The following CCBE1 variants were observed in gnomAD, a reference collection of about 807,000 sequenced individuals.
The protein encoded by CCBE1 is collagen and calcium binding EGF domains 1.
A neutral mutation model predicts 50.0 loss-of-function variants in CCBE1; 37 were observed. The observed-to-expected ratio is 0.74, with a 90% confidence interval of 0.57 to 0.97. CCBE1 has a LOEUF of 0.97. Ranked by LOEUF, CCBE1 falls within the 50% of genes least tolerant of loss-of-function variation. The pLI is 0.00. For synonymous variants in CCBE1, 234 were observed against 203.7 expected (o/e 1.15, Z -1.27); for missense variants, 538 against 523.8 (o/e 1.03, Z -0.26).
chr18:59,660,649 G>A (rs1354353482), intron 2 of CCBE1, among the ~76,000 whole-genome samples: 1 of 152,044 alleles, frequency 6.6e-6, no homozygotes, highest in Non-Finnish European at 1.5e-5. Flanking sequence ...CCCTGATAGA[G>A]GGATTTATAG....
rs1598960344 is a variant in CCBE1 at position 59,505,317 on chromosome 18, A to G, written c.213-25079T>C. On this transcript the variant is annotated intron_variant, in intron 2 of 10. Transcript: ENST00000439986. ...AACCAAGAGATACCCCAGCAGGACC[A>G]GGGACGCCATCCTTGAGCCTGAGGC... 4.6e-5 allele frequency among the ~76,000 whole-genome samples: 7 copies of G among 152,338 alleles called. 1 individual carries two copies. Among genetic ancestry groups the G allele is most frequent in the Admixed American group, 4.6e-4 (7 of 15,306 alleles).
intron 10 of CCBE1, 29 bp from the exon 11 acceptor site, chr18:59,436,170 A>T (rs1910149542): frequency 6.2e-7 from 1 of 1,603,572 alleles, no homozygotes; most frequent in Admixed American, 1.7e-5. Context: ...TCAAAGCTAG[A>T]ATACGACAGA....
chr18:59,442,131 A>G (rs1226730128), intron 7 of CCBE1, among the ~76,000 whole-genome samples: 1 of 152,144 alleles, frequency 6.6e-6, no homozygotes, highest in Non-Finnish European at 1.5e-5. Flanking sequence ...CCTATCTCCA[A>G]AAACATTTTA....
intron 2 of CCBE1, among the ~76,000 whole-genome samples, chr18:59,528,742 T>C (rs1285239325): frequency 6.6e-6 from 1 of 152,044 alleles, no homozygotes; most frequent in Non-Finnish European, 1.5e-5. Flanking sequence ...TTGCTGGGGG[T>C]TCACTCCAGA....
chr18:59,641,353 G>A (rs1425287086), intron 2 of CCBE1, among the ~76,000 whole-genome samples: 3 of 152,108 alleles, frequency 2.0e-5, no homozygotes, highest in Non-Finnish European at 2.9e-5. Flanking sequence ...AGAAAACCAA[G>A]CATTACATGT....
intron 2 of CCBE1, among the ~76,000 whole-genome samples, chr18:59,580,116 G>A (rs544853367): frequency 1.3e-5 from 2 of 152,254 alleles, no homozygotes; most frequent in African/African-American, 2.4e-5. Flanking sequence ...CTGGGGCCCC[G>A]AATTACTAAG....
At chr18:59,556,912 G>T (rs1307907726) in intron 2 of CCBE1, among the ~76,000 whole-genome samples, 1 of 152,230 alleles carries the variant, frequency 6.6e-6, no homozygotes, top group Non-Finnish European at 1.5e-5. Context: ...CAGCTAAGCT[G>T]GAATTGTATT....
intron 9 of CCBE1, among the ~76,000 whole-genome samples, chr18:59,438,404 C>T (rs1009783891): frequency 2.0e-5 from 3 of 152,170 alleles, no homozygotes; most frequent in African/African-American, 7.2e-5. Flanking sequence ...TCATATTTCC[C>T]AACAGCATGT....
Position 59,435,893 on chromosome 18 carries a change from C to T in CCBE1, c.*15G>A, listed in dbSNP as rs780416336. On this transcript the variant is annotated 3_prime_UTR_variant, in exon 11 of 11. Coordinates refer to ENST00000439986, the MANE Select transcript of CCBE1 (RefSeq NM_133459.4). ...TGATCTTTCTCTTCCTTTGGCGTGA[C>T]GGTGTTGGGATGTGCTATGGGTAGA... 37 of 1,603,632 alleles carry T rather than the reference C, an allele frequency of 2.3e-5. No individual in the cohort carries two copies. In the South Asian group the frequency reaches 2.4e-4, roughly 10 times the overall value.
At chr18:59,609,516 T>C (rs1944975) in intron 2 of CCBE1, among the ~76,000 whole-genome samples, 83,221 of 152,034 alleles carry the variant, frequency 0.55, 24,234 homozygotes, top group East Asian at 0.78. Context: ...TCTCCCTTAC[T>C]TCAGTCTCCA....
intron 3 of CCBE1, among the ~76,000 whole-genome samples, chr18:59,470,001 G>A (rs1423961814): frequency 6.6e-6 from 1 of 152,276 alleles, no homozygotes; most frequent in South Asian, 2.1e-4. Flanking sequence ...AGGCCAGCTG[G>A]GGTGACAGGC....
At position 59,434,802 on chromosome 18, in the gene CCBE1, T is replaced by C. The variant is rs1353106438; in HGVS notation, c.*1106A>G. 6.6e-6 allele frequency: 1 copy of C among 152,206 alleles called. No homozygotes were observed. Among genetic ancestry groups the C allele is most frequent in the Non-Finnish European group, 1.5e-5 (1 of 68,044 alleles). 9.4% of individuals were successfully genotyped at this position (152,206 alleles called of 1,614,324 possible). On this transcript the variant is annotated 3_prime_UTR_variant, in exon 11 of 11. Transcript: ENST00000439986. Reference sequence around the variant, plus strand: ...CAATAGTGTATTACTCTCAATATGTTGGTGGCAAGCTTGGTTGGCTCCAGA... The same window carrying C: ...CAATAGTGTATTACTCTCAATATGTCGGTGGCAAGCTTGGTTGGCTCCAGA...
At chr18:59,629,803 G>T (rs928683056) in intron 2 of CCBE1, among the ~76,000 whole-genome samples, 1 of 152,166 alleles carries the variant, frequency 6.6e-6, no homozygotes, top group Non-Finnish European at 1.5e-5. Flanking sequence ...ACAGCTTGTC[G>T]GGGGAAGGTG....
At chr18:59,566,965 C>T (rs891337827) in intron 2 of CCBE1, among the ~76,000 whole-genome samples, 3 of 152,176 alleles carry the variant, frequency 2.0e-5, no homozygotes, top group Non-Finnish European at 4.4e-5. Flanking sequence ...GAACGAGCCT[C>T]ATAAAGCTAC....
chr18:59,488,714 T>G (rs1912943997), intron 2 of CCBE1, among the ~76,000 whole-genome samples: 1 of 152,158 alleles, frequency 6.6e-6, no homozygotes, highest in South Asian at 2.1e-4. Flanking sequence ...TTCTTCTAAC[T>G]CAATTTCCTC....
intron 3 of CCBE1, among the ~76,000 whole-genome samples, chr18:59,473,887 A>G (rs2143750006): frequency 9.0e-6 from 1 of 110,766 alleles, no homozygotes; most frequent in African/African-American, 3.6e-5. Flanking sequence ...CCCTCCCACT[A>G]TTTCCTCCCC....
At chr18:59,626,564 T>G (rs574249362) in intron 2 of CCBE1, among the ~76,000 whole-genome samples, 1 of 152,378 alleles carries the variant, frequency 6.6e-6, no homozygotes, top group South Asian at 2.1e-4. Context: ...TCCCAAGTGT[T>G]AGCTCATTTA....
At chr18:59,538,395 A>G (rs570258485) in intron 2 of CCBE1, among the ~76,000 whole-genome samples, 137 of 152,318 alleles carry the variant, frequency 9.0e-4, no homozygotes, top group African/African-American at 3.0e-3. Flanking sequence ...TGTATCTATT[A>G]TTGGGATACT....
rs1017632999 is a variant in CCBE1, at chr18:59,604,884, G to C, written c.212+91745C>G. ...TTGGTCAGCTATTGCTAAGATGCTT[G>C]ATAGGTAGGGTCAAAATGGGGCAAG... On this transcript the variant is annotated intron_variant, in intron 2 of 10. Transcript: ENST00000439986. Among the ~76,000 whole-genome samples the C allele has an allele frequency of 5.9e-5, 9 of 152,232 alleles. 1 individual carries two copies.
Sources: allele counts gnomAD v4.1 joint callset (sites outside exome capture counted in the v4.1 genomes callset), GRCh38; gene constraint gnomAD v4.1.1; transcripts MANE v1.5; gene names NCBI Gene and HGNC (gene_info 2026-07-23, HGNC 2026-07-21).